POC1B: variants seen among roughly 807,000 people sequenced by gnomAD.
POC1B encodes the protein POC1 centriolar protein B.
In POC1B, 44 loss-of-function variants were observed where a neutral mutation model predicts 60.6. The ratio of observed to expected loss-of-function variants is 0.73; its 90% confidence interval spans 0.57 to 0.93. The LOEUF (loss-of-function observed/expected upper bound fraction) is 0.93. POC1B is among the 40% of genes least tolerant of loss of function. The pLI is 0.00. For synonymous variants in POC1B, 180 were observed against 198.9 expected (o/e 0.90, Z 0.80); for missense variants, 555 against 572.3 (o/e 0.97, Z 0.31).
Position 89,421,404 on chromosome 12 carries a change from C to G in POC1B, c.1333-147G>C. 4 of 589,150 alleles carry G rather than the reference C, an allele frequency of 6.8e-6. No individual in the cohort carries two copies. In the South Asian group the frequency reaches 1.2e-4, roughly 17 times the overall value. The allele number at this position is 589,150 out of a possible 1,614,324, so 36.5% of individuals were successfully genotyped here. ...GCTCAAAAATGAGCCCCAGAACTTG[C>G]TGTGCTTCTGGGCCCAACCATAGGG... On this transcript the variant is annotated intron_variant, in intron 11 of 11. Coordinates refer to ENST00000313546, the MANE Select transcript of POC1B (RefSeq NM_172240.3).
intron 9 of POC1B, among the ~76,000 whole-genome samples, chr12:89,460,555 T>C (rs564444857): frequency 6.6e-5 from 10 of 152,266 alleles, no homozygotes; most frequent in Admixed American, 2.6e-4. Context: ...CAAAAAACTA[T>C]TGGAAGTACC....
At chr12:89,476,108 T>C (rs1313088146) in intron 4 of POC1B, among the ~76,000 whole-genome samples, 1 of 151,918 alleles carries the variant, frequency 6.6e-6, no homozygotes, top group Admixed American at 6.6e-5. Context: ...GGTTTCGCCA[T>C]GTTGCCCAGG....
chr12:89,501,154 C>A (rs1385396961), intron 2 of POC1B: 3 of 1,403,500 alleles, frequency 2.1e-6, no homozygotes, highest in Non-Finnish European at 3.0e-6. Context: ...AGAAAAGCAT[C>A]ATAATATATT....
At chr12:89,425,109 T>C (rs1880704427) in intron 11 of POC1B, 52 bp downstream of exon 11, 7 of 1,565,446 alleles carry the variant, frequency 4.5e-6, no homozygotes, top group Non-Finnish European at 6.1e-6. Flanking sequence ...TCCAGAATTG[T>C]TTTGTGTATT....
intron 4 of POC1B, among the ~76,000 whole-genome samples, chr12:89,485,804 C>G (rs572773134): frequency 2.6e-5 from 4 of 152,324 alleles, no homozygotes; most frequent in African/African-American, 9.6e-5. Flanking sequence ...TAGAGATAAA[C>G]CTAAGCCTAC....
intron 10 of POC1B, among the ~76,000 whole-genome samples, chr12:89,448,615 C>T (rs1176559226): frequency 6.6e-6 from 1 of 152,202 alleles, no homozygotes; most frequent in Non-Finnish European, 1.5e-5. Flanking sequence ...AAAGCCATTA[C>T]ATCATTATGA....
At chr12:89,460,861 A>C (rs1882458632) in intron 9 of POC1B, 1 of 152,222 alleles carries the variant, frequency 6.6e-6, no homozygotes, top group African/African-American at 2.4e-5. Flanking sequence ...ACTAACTTTG[A>C]GGGAGGCTAT....
At chr12:89,506,242 T>C (rs999973545) in intron 2 of POC1B, among the ~76,000 whole-genome samples, 1 of 152,262 alleles carries the variant, frequency 6.6e-6, no homozygotes, top group Non-Finnish European at 1.5e-5. Flanking sequence ...TACTGCTGTG[T>C]GCCCTTGGGC....
chr12:89,502,459 A>G, intron 2 of POC1B: 1 of 1,212,932 alleles, frequency 8.2e-7, no homozygotes, highest in Non-Finnish European at 1.2e-6. Flanking sequence ...AAGGAAGGCA[A>G]GAGAAAATAT....
intron 4 of POC1B, among the ~76,000 whole-genome samples, chr12:89,474,273 C>A (rs1248213287): frequency 6.6e-6 from 1 of 151,754 alleles, no homozygotes; most frequent in Non-Finnish European, 1.5e-5. Flanking sequence ...TACTAAGCTT[C>A]TTTTTAAAAA....
chr12:89,436,973 C>T (rs1439526281), intron 10 of POC1B, among the ~76,000 whole-genome samples: 1 of 152,172 alleles, frequency 6.6e-6, no homozygotes, highest in Non-Finnish European at 1.5e-5. Flanking sequence ...ATAAACAGTG[C>T]CATTATCCAG....
chr12:89,407,482 T>A, the POC1B span, among the ~76,000 whole-genome samples: 1 of 152,054 alleles, frequency 6.6e-6, no homozygotes, highest in Non-Finnish European at 1.5e-5. Flanking sequence ...GAGTGATCCA[T>A]GGGCCTCAGC....
chr12:89,453,026 A>C (rs929262806), intron 10 of POC1B, among the ~76,000 whole-genome samples: 4 of 152,160 alleles, frequency 2.6e-5, no homozygotes, highest in African/African-American at 9.7e-5. Flanking sequence ...CTCTATTTTA[A>C]AGATTGTATC....
Position 89,419,786 on chromosome 12 carries a change from A to G in POC1B, c.*1367T>C, listed in dbSNP as rs1565889055. 1 of 152,236 alleles carries G rather than the reference A, an allele frequency of 6.6e-6. No individual in the cohort carries two copies. The highest frequency in any genetic ancestry group is 1.5e-5 in the Non-Finnish European group (1 of 68,044). 9.4% of individuals were successfully genotyped at this position (152,236 alleles called of 1,614,324 possible). A position where few individuals can be genotyped will look rare whatever the true frequency, so the allele number is the denominator to read the frequency against. ...CAAAATAAAATTGATAGGACATTTC[A>G]TTTCTTACTTAGTCTTCTCAATGGG... On this transcript the variant is annotated 3_prime_UTR_variant, in exon 12 of 12. Coordinates refer to ENST00000313546, the MANE Select transcript of POC1B (RefSeq NM_172240.3).
intron 2 of POC1B, among the ~76,000 whole-genome samples, chr12:89,499,739 A>G (rs745949536): frequency 3.9e-5 from 6 of 152,272 alleles, no homozygotes; most frequent in Admixed American, 1.3e-4. Flanking sequence ...TGAATCCTAC[A>G]CTTTATACCA....
At chr12:89,461,737 C>G (rs1565735404) in intron 9 of POC1B, 1 of 152,162 alleles carries the variant, frequency 6.6e-6, no homozygotes, top group Non-Finnish European at 1.5e-5. Flanking sequence ...AGGAATAAAG[C>G]TGTGCATGGT....
At position 89,502,287 on chromosome 12, in the gene POC1B, C is replaced by T. The variant is rs960548766; in HGVS notation, c.101-4945G>A. On this transcript the variant is annotated intron_variant, in intron 2 of 11. Transcript: ENST00000313546. ...TGATACCAAAGAACAGAATCCATCA[C>T]AAACTAGTATTGCCCTCCAACACAC... 99 of 1,597,300 alleles carry T rather than the reference C, an allele frequency of 6.2e-5. No individual in the cohort carries two copies. In the Middle Eastern group the frequency reaches 1.3e-3, roughly 22 times the overall value.
intron 11 of POC1B, among the ~76,000 whole-genome samples, chr12:89,424,030 G>C (rs1339589745): frequency 6.6e-6 from 1 of 152,178 alleles, no homozygotes; most frequent in East Asian, 1.9e-4. Context: ...GATAAATATA[G>C]AGAAAGTCAC....
the POC1B span, among the ~76,000 whole-genome samples, chr12:89,403,351 T>C: frequency 6.6e-6 from 1 of 152,096 alleles, no homozygotes; most frequent in Non-Finnish European, 1.5e-5. Context: ...ATGCCTCAAT[T>C]TGAAACTGTG....
Sources: allele counts gnomAD v4.1 joint callset (sites outside exome capture counted in the v4.1 genomes callset), GRCh38; gene constraint gnomAD v4.1.1; transcripts MANE v1.5; gene names NCBI Gene and HGNC (gene_info 2026-07-23, HGNC 2026-07-21).